CHST9: variants seen among roughly 807,000 people sequenced by gnomAD.
CHST9 encodes the protein carbohydrate sulfotransferase 9.
CHST9 carries 41 observed loss-of-function variants against 44.4 expected under a neutral mutation model. The ratio of observed to expected loss-of-function variants is 0.92; its 90% confidence interval spans 0.72 to 1.20. The LOEUF is 1.20. CHST9 is among the 50% of genes most tolerant of loss of function. The pLI, the probability that CHST9 is intolerant of heterozygous loss-of-function variation, is 0.00. For missense variants in CHST9, 504 were observed against 516.5 expected (o/e 0.98, Z 0.23); for synonymous variants, 171 against 178.4 (o/e 0.96, Z 0.33).
chr18:27,140,804 A>G (rs909029908), intron 2 of CHST9, among the ~76,000 whole-genome samples: 6 of 152,340 alleles, frequency 3.9e-5, no homozygotes, highest in Admixed American at 3.3e-4. Flanking sequence ...ATTAAATATG[A>G]TGTTATTATG....
intron 3 of CHST9, among the ~76,000 whole-genome samples, chr18:27,028,443 A>C (rs554992803): frequency 1.1e-4 from 16 of 152,180 alleles, no homozygotes; most frequent in Non-Finnish European, 1.8e-4. Flanking sequence ...GGCGGGCTAG[A>C]GGGCATCCGG....
intron 2 of CHST9, among the ~76,000 whole-genome samples, chr18:27,062,339 G>A (rs904711771): frequency 6.6e-6 from 1 of 151,796 alleles, no homozygotes; most frequent in Admixed American, 6.6e-5. Flanking sequence ...AGGCACTGGT[G>A]TGTGATGTTC....
intron 2 of CHST9, among the ~76,000 whole-genome samples, chr18:27,090,401 G>A (rs941786187): frequency 6.6e-6 from 1 of 152,082 alleles, no homozygotes; most frequent in African/African-American, 2.4e-5. Flanking sequence ...TAGGTTGCCT[G>A]TTCACTCTGA....
chr18:27,073,334 G>T (rs1238983606), intron 2 of CHST9, among the ~76,000 whole-genome samples: 3 of 148,282 alleles, frequency 2.0e-5, no homozygotes, highest in Non-Finnish European at 4.4e-5. Flanking sequence ...AGACAACCCA[G>T]GATAAGAATG....
chr18:26,968,406 T>A (rs1227761785), intron 4 of CHST9, among the ~76,000 whole-genome samples: 1 of 152,202 alleles, frequency 6.6e-6, no homozygotes, highest in Non-Finnish European at 1.5e-5. Flanking sequence ...AACCAACGTT[T>A]AAAAAAATCA....
chr18:27,133,945 C>T (rs149901626), intron 2 of CHST9, among the ~76,000 whole-genome samples: 1 of 152,258 alleles, frequency 6.6e-6, no homozygotes, highest in African/African-American at 2.4e-5. Flanking sequence ...TTGTTTGCCA[C>T]ACTTACAGAT....
intron 2 of CHST9, among the ~76,000 whole-genome samples, chr18:27,106,784 A>G (rs1230957241): frequency 6.6e-6 from 1 of 152,192 alleles, no homozygotes; most frequent in Non-Finnish European, 1.5e-5. Flanking sequence ...CACAATGAAC[A>G]ATTTACCAGT....
At chr18:27,161,025 C>T (rs982352484) in intron 1 of CHST9, among the ~76,000 whole-genome samples, 2 of 152,106 alleles carry the variant, frequency 1.3e-5, no homozygotes, top group South Asian at 2.1e-4. Context: ...GTCTTGCTAG[C>T]CGTCTATCAA....
chr18:27,048,406 A>G, intron 3 of CHST9, 59 bp downstream of exon 3: 1 of 1,390,952 alleles, frequency 7.2e-7, no homozygotes, highest in Admixed American at 2.0e-5. Flanking sequence ...ATTTTAAAAA[A>G]TTTAAAGGTG....
chr18:27,141,119 G>A (rs2058560893), intron 2 of CHST9, among the ~76,000 whole-genome samples: 1 of 152,158 alleles, frequency 6.6e-6, no homozygotes, highest in East Asian at 1.9e-4. Context: ...AGCACTTTGG[G>A]AGGCCTAGGC....
intron 1 of CHST9, among the ~76,000 whole-genome samples, chr18:27,146,185 TAAG>T (rs1268336107): frequency 6.6e-6 from 1 of 152,130 alleles, no homozygotes; most frequent in Non-Finnish European, 1.5e-5. Flanking sequence ...GGAAAAAGAT[TAAG>T]AATTTGCCCT....
At chr18:26,947,553 T>C (rs1408030626) in intron 4 of CHST9, among the ~76,000 whole-genome samples, 2 of 151,988 alleles carry the variant, frequency 1.3e-5, no homozygotes, top group Non-Finnish European at 2.9e-5. Flanking sequence ...TTAAGTAAAT[T>C]TATAAGAAAA....
chr18:26,995,458 G>C (rs1277375992), intron 4 of CHST9, among the ~76,000 whole-genome samples: 2 of 133,586 alleles, frequency 1.5e-5, no homozygotes, highest in Non-Finnish European at 3.2e-5. Flanking sequence ...AAAAAAAAAA[G>C]ATTACTGCAG....
intron 4 of CHST9, among the ~76,000 whole-genome samples, chr18:26,986,689 C>T (rs918266762): frequency 2.0e-5 from 3 of 151,894 alleles, no homozygotes; most frequent in Non-Finnish European, 2.9e-5. Flanking sequence ...GCCAGAGGAA[C>T]AAAAGACATG....
chr18:26,954,743 T>C (rs1298771542), intron 4 of CHST9, among the ~76,000 whole-genome samples: 2 of 152,164 alleles, frequency 1.3e-5, no homozygotes, highest in Non-Finnish European at 2.9e-5. Flanking sequence ...TCTCAGCCTA[T>C]TGTTTCTTTC....
chr18:27,031,818 G>A (rs1014931468), intron 3 of CHST9, among the ~76,000 whole-genome samples: 1 of 152,156 alleles, frequency 6.6e-6, no homozygotes. Context: ...GATCTAAGAT[G>A]GTTTCTTCTC....
intron 1 of CHST9, among the ~76,000 whole-genome samples, chr18:27,163,806 A>G (rs4800793): frequency 0.75 from 113,763 of 151,964 alleles, 42,988 homozygotes; most frequent in East Asian, 0.92. Context: ...CGCTCAGTGC[A>G]CTGCACCCAA....
At chr18:27,044,757 C>T (rs531615350) in intron 3 of CHST9, among the ~76,000 whole-genome samples, 14 of 151,866 alleles carry the variant, frequency 9.2e-5, no homozygotes, top group African/African-American at 3.4e-4. Flanking sequence ...GCTAAATGTG[C>T]TAAATATTAT....
chr18:27,090,931 C>CT lies in CHST9; in HGVS notation c.122-42429dup, dbSNP rs2058062295. ...TTAGGATTGTCTTGCAATGCAGGCT[C>CT]TTTTTTGGTTCCATATGAACTTTAA... On this transcript the variant is annotated intron_variant, in intron 2 of 5. Transcript: ENST00000618847. Among the ~76,000 whole-genome samples the CT allele has an allele frequency of 1.3e-5, 2 of 152,108 alleles. 1 individual carries two copies. The highest frequency in any genetic ancestry group is 1.3e-4 in the Admixed American group (2 of 15,272).
Sources: allele counts gnomAD v4.1 joint callset (sites outside exome capture counted in the v4.1 genomes callset), GRCh38; gene constraint gnomAD v4.1.1; transcripts MANE v1.5; gene names NCBI Gene and HGNC (gene_info 2026-07-23, HGNC 2026-07-21).